B3GALT1: variants seen among roughly 807,000 people sequenced by gnomAD.
The protein encoded by B3GALT1 is beta-1,3-galactosyltransferase 1.
In B3GALT1, 10 loss-of-function variants were observed where a neutral mutation model predicts 23.2. The ratio of observed to expected loss-of-function variants is 0.43; its 90% CI spans 0.27 to 0.73. The LOEUF is 0.73. Ranked by LOEUF, B3GALT1 falls within the 30% of genes least tolerant of loss-of-function variation. The pLI, the probability that B3GALT1 is intolerant of heterozygous loss-of-function variation, is 0.21. For synonymous variants in B3GALT1, 156 were observed against 141.5 expected, an observed-to-expected ratio of 1.10 and a Z score of -0.73; for missense variants, 299 against 405.4, an observed-to-expected ratio of 0.74 and a Z score of 2.25.
rs1419834880 is a variant in B3GALT1, at chr2:167,559,890, T to G, written c.-410+69613T>G. Among the ~76,000 whole-genome samples the G allele has an allele frequency of 2.0e-5, 3 of 152,158 alleles. No homozygotes were observed. In the East Asian group the frequency reaches 5.8e-4, roughly 29 times the overall value. ...AGTTGGAAAACACTCTGCAGGATGT[T>G]ATCCAGGAGAACTTCCCCAATCTAG... On this transcript the variant is annotated intron_variant, in intron 2 of 4. Transcript: ENST00000392690.
chr2:167,310,217 T>C (rs1559062122), intron 1 of B3GALT1, among the ~76,000 whole-genome samples: 1 of 152,182 alleles, frequency 6.6e-6, no homozygotes, highest in East Asian at 1.9e-4. Context: ...GATTTTTTTT[T>C]CAACAGGGCA....
intron 3 of B3GALT1, among the ~76,000 whole-genome samples, chr2:167,662,295 G>A (rs1432381824): frequency 2.0e-5 from 3 of 151,962 alleles, no homozygotes; most frequent in African/African-American, 7.3e-5. Flanking sequence ...CAATAGTTAA[G>A]CCATGATTGA....
intron 3 of B3GALT1, among the ~76,000 whole-genome samples, chr2:167,809,918 G>A (rs1367229948): frequency 6.6e-6 from 1 of 152,230 alleles, no homozygotes; most frequent in African/African-American, 2.4e-5. Flanking sequence ...TCCTTGAGCT[G>A]TGGTGGGCTC....
chr2:167,416,813 T>G (rs1421173307), intron 1 of B3GALT1, among the ~76,000 whole-genome samples: 1 of 152,228 alleles, frequency 6.6e-6, no homozygotes, highest in African/African-American at 2.4e-5. Flanking sequence ...AAAGGGATTA[T>G]TCTCCAGCTT....
chr2:167,322,683 T>C (rs555040229), intron 1 of B3GALT1, among the ~76,000 whole-genome samples: 2 of 152,010 alleles, frequency 1.3e-5, no homozygotes, highest in East Asian at 1.9e-4. Context: ...CTTGAAGAAT[T>C]TGTCAAAAGA....
At chr2:167,768,162 C>T (rs532741705) in intron 3 of B3GALT1, among the ~76,000 whole-genome samples, 56 of 152,212 alleles carry the variant, frequency 3.7e-4, no homozygotes, top group Non-Finnish European at 6.6e-4. Context: ...TCCTTACAGA[C>T]ACATCCAAAA....
In B3GALT1 at chr2:167,870,154, CT is replaced by C; in HGVS notation, c.*138del. 1.1e-6 allele frequency: 1 copy of C among 891,312 alleles called. No homozygotes were observed. Among genetic ancestry groups the C allele is most frequent in the Non-Finnish European group, 1.7e-6 (1 of 603,162 alleles). 55.2% of individuals were successfully genotyped at this position (891,312 alleles called of 1,614,324 possible). A position where few individuals can be genotyped will look rare whatever the true frequency, so the allele number is the denominator to read the frequency against. Reference sequence around the variant, plus strand: ...AAGTTTTTGCTTCCTGCTATAAGTTCTTTTCTTGGATTACCAATTTATGAAT... The same window carrying C: ...AAGTTTTTGCTTCCTGCTATAAGTTCTTTCTTGGATTACCAATTTATGAAT... On this transcript the variant is annotated 3_prime_UTR_variant, in exon 5 of 5. Coordinates refer to ENST00000392690, the MANE Select transcript of B3GALT1 (RefSeq NM_020981.4).
chr2:167,500,509 G>A (rs1699835890), intron 2 of B3GALT1, among the ~76,000 whole-genome samples: 1 of 152,104 alleles, frequency 6.6e-6, no homozygotes, highest in Admixed American at 6.6e-5. Flanking sequence ...TCGGGGGACT[G>A]GAGTTGGCAC....
intron 3 of B3GALT1, among the ~76,000 whole-genome samples, chr2:167,730,104 CT>C (rs1269742857): frequency 2.0e-5 from 3 of 152,154 alleles, no homozygotes; most frequent in Non-Finnish European, 4.4e-5. Flanking sequence ...TAGAACTGCC[CT>C]TTTAAATACT....
intron 1 of B3GALT1, among the ~76,000 whole-genome samples, chr2:167,339,721 G>T (rs893938512): frequency 6.6e-6 from 1 of 150,520 alleles, no homozygotes; most frequent in African/African-American, 2.5e-5. Context: ...TTCCCATTTC[G>T]AAGAAGGATA....
chr2:167,799,425 G>A (rs10196543), intron 3 of B3GALT1, among the ~76,000 whole-genome samples: 27,023 of 151,840 alleles, frequency 0.18, 2,618 homozygotes, highest in East Asian at 0.3. Context: ...CCTCTTATAC[G>A]TGAGAACATT....
At chr2:167,677,272 C>T (rs1295490670) in intron 3 of B3GALT1, among the ~76,000 whole-genome samples, 1 of 152,150 alleles carries the variant, frequency 6.6e-6, no homozygotes, top group African/African-American at 2.4e-5. Flanking sequence ...TCTCATAACA[C>T]CATGTATGCA....
chr2:167,730,885 T>C (rs897634571), intron 3 of B3GALT1, among the ~76,000 whole-genome samples: 2 of 152,200 alleles, frequency 1.3e-5, no homozygotes, highest in East Asian at 3.9e-4. Context: ...ATTGAGTACT[T>C]ACAATGTGCC....
chr2:167,311,429 A>T (rs1304164972), intron 1 of B3GALT1, among the ~76,000 whole-genome samples: 4 of 152,068 alleles, frequency 2.6e-5, no homozygotes, highest in Admixed American at 2.0e-4. Context: ...TGAATCAAGG[A>T]AAGATTATAT....
At chr2:167,703,938 T>C (rs1359541610) in intron 3 of B3GALT1, among the ~76,000 whole-genome samples, 1 of 151,974 alleles carries the variant, frequency 6.6e-6, no homozygotes, top group Non-Finnish European at 1.5e-5. Flanking sequence ...TCCCAGCACT[T>C]TGGGAGGCCA....
chr2:167,408,663 A>G (rs897679862), intron 1 of B3GALT1, among the ~76,000 whole-genome samples: 22 of 152,190 alleles, frequency 1.4e-4, no homozygotes, highest in African/African-American at 5.3e-4. Context: ...AAATTAACAT[A>G]CAAAAATCAG....
At chr2:167,464,851 G>T (rs1032249529) in intron 1 of B3GALT1, among the ~76,000 whole-genome samples, 2 of 152,132 alleles carry the variant, frequency 1.3e-5, no homozygotes, top group Non-Finnish European at 2.9e-5. Flanking sequence ...CAGCATGATT[G>T]ATCACAAGAA....
At chr2:167,823,749 A>C (rs1689156328) in intron 4 of B3GALT1, among the ~76,000 whole-genome samples, 1 of 152,186 alleles carries the variant, frequency 6.6e-6, no homozygotes, top group South Asian at 2.1e-4. Flanking sequence ...CCAAATATCC[A>C]CTAAACTCAT....
In B3GALT1 at chr2:167,871,538, G is replaced by A. The variant is rs1690345532; in HGVS notation, c.*1518G>A. 1 of 152,134 alleles carries A rather than the reference G, an allele frequency of 6.6e-6. No individual in the cohort carries two copies. The highest frequency in any genetic ancestry group is 6.5e-5 in the Admixed American group (1 of 15,274). 9.4% of individuals were successfully genotyped at this position (152,134 alleles called of 1,614,324 possible). A position where few individuals can be genotyped will look rare whatever the true frequency, so the allele number is the denominator to read the frequency against. On this transcript the variant is annotated 3_prime_UTR_variant, in exon 5 of 5. Coordinates refer to ENST00000392690, the MANE Select transcript of B3GALT1 (RefSeq NM_020981.4). The stretch of plus-strand genomic sequence containing the variant: ...CTTCCATTTCTCTGAGATTTCTTCT[G>A]GTTTCAATGAATAAGTGACTAGGTC...
Sources: gnomAD v4.1 joint callset for allele counts (sites outside exome capture counted in the v4.1 genomes callset) on GRCh38, gnomAD v4.1.1 for gene constraint, MANE v1.5 for transcripts, NCBI Gene and HGNC (gene_info 2026-07-23, HGNC 2026-07-21) for gene names.